The following TMEM138 variants were observed in gnomAD, a reference collection of about 807,000 sequenced individuals.
TMEM138 encodes the protein transmembrane protein 138.
A neutral mutation model predicts 18.1 loss-of-function variants in TMEM138; 9 were observed. The ratio of observed to expected loss-of-function variants is 0.50; its 90% CI spans 0.30 to 0.87. The LOEUF (loss-of-function observed/expected upper bound fraction) is 0.87, where lower values mean the gene tolerates loss of function less well. Among genes scored for constraint, TMEM138 ranks in the 40% least tolerant of loss-of-function variants. The pLI, the probability that TMEM138 is intolerant of heterozygous loss-of-function variation, is 0.06. For missense variants in TMEM138, 189 were observed against 190.6 expected, an observed-to-expected ratio of 0.99 and a Z score of 0.05; for synonymous variants, 79 against 74.8, an observed-to-expected ratio of 1.06 and a Z score of -0.29.
chr11:61,371,691 G>C (rs1858348078), downstream of TMEM138, among the ~76,000 whole-genome samples: 1 of 152,216 alleles, frequency 6.6e-6, no homozygotes, highest in Non-Finnish European at 1.5e-5. Flanking sequence ...GAGGTCCTGA[G>C]AACACGTGCC....
At chr11:61,368,485 T>C (rs1268413879) in intron 4 of TMEM138, 112 bp from the exon 5 acceptor site, 10 of 679,096 alleles carry the variant, frequency 1.5e-5, no homozygotes, top group African/African-American at 5.4e-5. Flanking sequence ...CTCTGCCTCC[T>C]AAAGTGCTGG....
At chr11:61,374,437 C>G (rs1382588396), downstream of TMEM138, among the ~76,000 whole-genome samples, 1 of 152,110 alleles carries the variant, frequency 6.6e-6, no homozygotes, top group Non-Finnish European at 1.5e-5. Flanking sequence ...AGGTACGAGC[C>G]ACTGCCACTG....
At chr11:61,368,075 C>T in intron 4 of TMEM138, 77 bp downstream of exon 4, 1 of 1,008,632 alleles carries the variant, frequency 9.9e-7, no homozygotes, top group Non-Finnish European at 1.6e-6. Context: ...ATGCTGGCTT[C>T]CCAGACCTGT....
Position 61,364,295 on chromosome 11 carries a change from C to A in TMEM138, c.-96C>A. 1 of 1,473,588 alleles carries A rather than the reference C, an allele frequency of 6.8e-7. No homozygotes were observed. The allele number at this position is 1,473,588 out of a possible 1,614,324, so 91.3% of individuals were successfully genotyped here. ...GGGAAACAGCTCTCATTCAAAGGAA[C>A]TAGAAGCCTCTCCCTCAGTGGTAGG... On this transcript the variant is annotated 5_prime_UTR_variant, in exon 2 of 5. Transcript: ENST00000278826.
chr11:61,374,856 C>T (rs561240815), downstream of TMEM138, among the ~76,000 whole-genome samples: 1 of 152,286 alleles, frequency 6.6e-6, no homozygotes, highest in African/African-American at 2.4e-5. Context: ...ACTCAGGAGG[C>T]TGAGGCAGGA....
At chr11:61,372,905 T>C (rs1858382475), downstream of TMEM138, among the ~76,000 whole-genome samples, 1 of 152,108 alleles carries the variant, frequency 6.6e-6, no homozygotes, top group Admixed American at 6.6e-5. Context: ...CCAAAAACTT[T>C]TATATAATCA....
At chr11:61,364,655 A>G (rs1381440057) in intron 2 of TMEM138, 137 bp downstream of exon 2, 1 of 1,200,698 alleles carries the variant, frequency 8.3e-7, no homozygotes, top group African/African-American at 1.5e-5. Flanking sequence ...TTGGGAAGCC[A>G]AGGCAGGAGG....
chr11:61,375,300 G>T (rs1231324760), downstream of TMEM138, among the ~76,000 whole-genome samples: 1 of 147,536 alleles, frequency 6.8e-6, no homozygotes, highest in East Asian at 2.0e-4. Context: ...AGAATTTGGA[G>T]ATTATTTGTG....
chr11:61,366,471 C>CTTT (rs879154161), intron 3 of TMEM138: 78 of 261,392 alleles, frequency 3.0e-4, no homozygotes, highest in South Asian at 5.3e-4. Flanking sequence ...CTTTTCTTTT[C>CTTT]TTTTTTTTTT....
At chr11:61,366,752 A>C (rs1431750524) in intron 3 of TMEM138, 4 of 152,382 alleles carry the variant, frequency 2.6e-5, no homozygotes, top group African/African-American at 9.7e-5. Flanking sequence ...GGCGTGAGCT[A>C]CTGCGCCCGG....
intron 3 of TMEM138, 191 bp downstream of exon 3, chr11:61,366,407 G>A (rs748359963): frequency 8.9e-6 from 5 of 559,918 alleles, no homozygotes; most frequent in South Asian, 5.6e-5. Flanking sequence ...CACTGTGCCC[G>A]GCCTGAACTC....
downstream of TMEM138, among the ~76,000 whole-genome samples, chr11:61,376,671 G>A (rs1395243309): frequency 1.3e-5 from 2 of 152,124 alleles, no homozygotes; most frequent in South Asian, 2.1e-4. Context: ...CCTGCCTACC[G>A]ATGTATGGAC....
At position 61,369,056 on chromosome 11, in the gene TMEM138, C is replaced by T; in HGVS notation, c.*347C>T. 4.1e-6 allele frequency: 1 copy of T among 243,280 alleles called. No homozygotes were observed. The highest frequency in any genetic ancestry group is 9.4e-5 in the East Asian group (1 of 10,626). 15.1% of individuals were successfully genotyped at this position (243,280 alleles called of 1,614,324 possible). On this transcript the variant is annotated 3_prime_UTR_variant, in exon 5 of 5. Coordinates refer to ENST00000278826, the MANE Select transcript of TMEM138 (RefSeq NM_016464.5). ...TTTAGCCTGGGACAGAAGGACCTCCCAGCCCCCAAAGGATCTCCCAGTGAC... is the reference window on the plus strand; with the variant it reads ...TTTAGCCTGGGACAGAAGGACCTCCTAGCCCCCAAAGGATCTCCCAGTGAC...
chr11:61,373,843 T>C (rs1490461080), downstream of TMEM138, among the ~76,000 whole-genome samples: 1 of 150,832 alleles, frequency 6.6e-6, no homozygotes, highest in Non-Finnish European at 1.5e-5. Context: ...TTATTTTTTA[T>C]TTTTTTTTTT....
chr11:61,372,058 C>T (rs1476578740), downstream of TMEM138, among the ~76,000 whole-genome samples: 1 of 151,736 alleles, frequency 6.6e-6, no homozygotes, highest in Non-Finnish European at 1.5e-5. Flanking sequence ...TGCGTGTAAT[C>T]CCAGCTACTC....
chr11:61,363,496 T>G (rs1235166576), intron 1 of TMEM138: 1 of 152,226 alleles, frequency 6.6e-6, no homozygotes. Flanking sequence ...AATTTCTTTA[T>G]AGATTTGGCA....
At chr11:61,367,859 C>T (rs1858207098) in intron 3 of TMEM138, 64 bp from the exon 4 acceptor site, 3 of 1,023,428 alleles carry the variant, frequency 2.9e-6, no homozygotes, top group Non-Finnish European at 4.6e-6. Context: ...CTGCAGCTAA[C>T]CAAGTTGGAG....
rs1035607009 is a variant in TMEM138, at chr11:61,369,240, T to G, written c.*531T>G. 1 of 154,000 alleles carries G rather than the reference T, an allele frequency of 6.5e-6. No homozygotes were observed. The highest frequency in any genetic ancestry group is 2.4e-5 in the African/African-American group (1 of 41,472). 9.5% of individuals were successfully genotyped at this position (154,000 alleles called of 1,614,324 possible). Reference sequence around the variant, plus strand: ...GGGAGTCTGTCTGTCTAGCTAGATCTCTTCATGTTAAGAGGCGTGCCAAGG... The same window carrying G: ...GGGAGTCTGTCTGTCTAGCTAGATCGCTTCATGTTAAGAGGCGTGCCAAGG... On this transcript the variant is annotated 3_prime_UTR_variant, in exon 5 of 5. Transcript: ENST00000278826.
downstream of TMEM138, among the ~76,000 whole-genome samples, chr11:61,374,632 T>C (rs1487097986): frequency 2.0e-5 from 3 of 152,148 alleles, no homozygotes; most frequent in Non-Finnish European, 1.5e-5. Context: ...TTGGTCCTCT[T>C]TAGAAGGTGG....
Sources: allele counts gnomAD v4.1 joint callset (sites outside exome capture counted in the v4.1 genomes callset), GRCh38; gene constraint gnomAD v4.1.1; transcripts MANE v1.5; gene names NCBI Gene and HGNC (gene_info 2026-07-23, HGNC 2026-07-21).